Variants in CACNB2 observed in about 807,000 individuals in gnomAD.
CACNB2 encodes the protein calcium voltage-gated channel auxiliary subunit beta 2.
Under a neutral mutation model 73.3 loss-of-function variants are expected in CACNB2, and 42 were observed. The ratio of observed to expected loss-of-function variants is 0.57; its 90% CI spans 0.45 to 0.74. The LOEUF (loss-of-function observed/expected upper bound fraction) is 0.74. Among genes scored for constraint, CACNB2 ranks in the 30% least tolerant of loss-of-function variants. The probability of loss-of-function intolerance (pLI) is 0.00; values close to 1 mark genes in which losing one functional copy is unlikely to be tolerated. For synonymous variants in CACNB2, 348 were observed against 310.3 expected, an observed-to-expected ratio of 1.12 and a Z score of -1.28; for missense variants, 940 against 853.0, an observed-to-expected ratio of 1.10 and a Z score of -1.27.
rs3900648 is a variant in CACNB2 at position 18,171,096 on chromosome 10, G to A, written c.213+20121G>A. Among the ~76,000 whole-genome samples the A allele has an allele frequency of 0.014, 2,111 of 152,136 alleles. 93 individuals are homozygous for A. In the East Asian group the frequency reaches 0.16, roughly 11 times the overall value. ...CTGTTCTTGTTGTTTTTAGATCTTT[G>A]TAGTCATAATTGTCCATTATGTTTA... On this transcript the variant is annotated intron_variant, in intron 2 of 13. Transcript: ENST00000324631.
chr10:18,255,901 T>C (rs1021287833), intron 2 of CACNB2, among the ~76,000 whole-genome samples: 2 of 152,192 alleles, frequency 1.3e-5, no homozygotes, highest in Non-Finnish European at 2.9e-5. Flanking sequence ...TCATTTCTTA[T>C]TATGAAAGAG....
At chr10:18,310,776 T>C (rs2039935701) in intron 2 of CACNB2, among the ~76,000 whole-genome samples, 1 of 151,422 alleles carries the variant, frequency 6.6e-6, no homozygotes, top group Non-Finnish European at 1.5e-5. Flanking sequence ...ATAGATGGGG[T>C]TTCACCACAT....
chr10:18,226,070 G>A (rs1757223), intron 2 of CACNB2, among the ~76,000 whole-genome samples: 98,630 of 150,600 alleles, frequency 0.65, 33,516 homozygotes, highest in Non-Finnish European at 0.76. Context: ...TGTGTAGCCC[G>A]GGCTGGAGTG....
intron 2 of CACNB2, among the ~76,000 whole-genome samples, chr10:18,323,225 C>T (rs1283153050): frequency 6.6e-6 from 1 of 151,986 alleles, no homozygotes. Context: ...TCCCAAGGTG[C>T]TGTGATTACA....
chr10:18,240,008 C>A (rs1338834116), intron 2 of CACNB2, among the ~76,000 whole-genome samples: 15 of 152,164 alleles, frequency 9.9e-5, no homozygotes, highest in Admixed American at 8.5e-4. Flanking sequence ...TCAGCTGTAA[C>A]AATCTCACAT....
At chr10:18,394,897 G>A (rs2043645099) in intron 2 of CACNB2, among the ~76,000 whole-genome samples, 1 of 152,120 alleles carries the variant, frequency 6.6e-6, no homozygotes, top group African/African-American at 2.4e-5. Context: ...GACTGAGAAG[G>A]AAGAAAATAC....
chr10:18,336,639 A>AT (rs2041020139), intron 2 of CACNB2, among the ~76,000 whole-genome samples: 2 of 147,612 alleles, frequency 1.4e-5, no homozygotes, highest in South Asian at 4.3e-4. Context: ...AAAAAAAAAA[A>AT]GATGACTTAG....
intron 1 of CACNB2, 140 bp downstream of exon 1, chr10:18,140,996 C>A: frequency 6.6e-7 from 1 of 1,523,808 alleles, no homozygotes. Context: ...CTCTGCTCCT[C>A]TCCTGGCGCC....
chr10:18,438,219 C>G (rs1424516513), intron 3 of CACNB2, among the ~76,000 whole-genome samples: 2 of 121,666 alleles, frequency 1.6e-5, no homozygotes, highest in Admixed American at 9.4e-5. Flanking sequence ...TTAGTAGAGA[C>G]GGGGTTTCAC....
intron 2 of CACNB2, among the ~76,000 whole-genome samples, chr10:18,283,303 A>C (rs57887444): frequency 6.6e-6 from 1 of 152,222 alleles, no homozygotes; most frequent in Admixed American, 6.5e-5. Flanking sequence ...CATTTGACCC[A>C]ACCATCCCAT....
intron 2 of CACNB2, among the ~76,000 whole-genome samples, chr10:18,247,953 G>A (rs768766411): frequency 4.6e-5 from 7 of 152,138 alleles, no homozygotes; most frequent in African/African-American, 7.2e-5. Flanking sequence ...TTCTAATATG[G>A]TGGAAGGGGC....
In CACNB2 at chr10:18,337,565, A is replaced by G. The variant is rs142119840; in HGVS notation, c.214-64359A>G. Among the ~76,000 whole-genome samples the G allele has an allele frequency of 2.5e-3, 382 of 152,310 alleles. 1 individual carries two copies. The highest frequency in any genetic ancestry group is 8.8e-3 in the African/African-American group (365 of 41,558). On this transcript the variant is annotated intron_variant, in intron 2 of 13. Coordinates refer to ENST00000324631, the MANE Select transcript of CACNB2 (RefSeq NM_201596.3). Reference sequence around the variant, plus strand: ...TTTATTTATTATAAATTATTTCAGAATACAAAGAAGCATAGAAAATATTAT... The same window carrying G: ...TTTATTTATTATAAATTATTTCAGAGTACAAAGAAGCATAGAAAATATTAT...
chr10:18,343,111 A>AGG (rs2041300333), intron 2 of CACNB2, among the ~76,000 whole-genome samples: 1 of 152,224 alleles, frequency 6.6e-6, no homozygotes, highest in Non-Finnish European at 1.5e-5. Flanking sequence ...CCAAAGGCAA[A>AGG]TATATATAGA....
chr10:18,182,777 G>T (rs1436162979), intron 2 of CACNB2, among the ~76,000 whole-genome samples: 1 of 149,696 alleles, frequency 6.7e-6, no homozygotes. Flanking sequence ...AGCCAAGATC[G>T]CACCACTGTA....
chr10:18,140,944 G>T, intron 1 of CACNB2, 88 bp downstream of exon 1: 2 of 1,532,732 alleles, frequency 1.3e-6, no homozygotes, highest in South Asian at 1.2e-5. Flanking sequence ...CCACTGCAGG[G>T]ATCTCTAGCC....
At chr10:18,171,047 TCTGC>T (rs2033189147) in intron 2 of CACNB2, among the ~76,000 whole-genome samples, 1 of 152,226 alleles carries the variant, frequency 6.6e-6, no homozygotes, top group Non-Finnish European at 1.5e-5. Flanking sequence ...AAACGCACAC[TCTGC>T]CTACCTGCAG....
intron 2 of CACNB2, among the ~76,000 whole-genome samples, chr10:18,307,412 A>C (rs1338455668): frequency 6.6e-6 from 1 of 152,206 alleles, no homozygotes; most frequent in Non-Finnish European, 1.5e-5. Flanking sequence ...TGGCGAGCCG[A>C]GATTGCACCA....
chr10:18,367,448 A>G, intron 2 of CACNB2, among the ~76,000 whole-genome samples: 1 of 152,334 alleles, frequency 6.6e-6, no homozygotes, highest in Non-Finnish European at 1.5e-5. Context: ...TTGATTTCCT[A>G]GTGAAATTAT....
At chr10:18,299,002 GCACATGTATA>G (rs2131819434) in intron 2 of CACNB2, among the ~76,000 whole-genome samples, 1 of 147,618 alleles carries the variant, frequency 6.8e-6, no homozygotes, top group Admixed American at 6.9e-5. Flanking sequence ...CACCAACATG[GCACATGTATA>G]CACATGTAAC....
Sources: gnomAD v4.1 joint callset for allele counts (sites outside exome capture counted in the v4.1 genomes callset) on GRCh38, gnomAD v4.1.1 for gene constraint, MANE v1.5 for transcripts, NCBI Gene and HGNC (gene_info 2026-07-23, HGNC 2026-07-21) for gene names.